Variants in PTPRT observed in about 807,000 individuals in gnomAD.
PTPRT encodes protein tyrosine phosphatase receptor type T.
A neutral mutation model predicts 176.8 loss-of-function variants in PTPRT; 56 were observed. The observed-to-expected ratio is 0.32, with a 90% CI of 0.26 to 0.40. The LOEUF (loss-of-function observed/expected upper bound fraction) is 0.40. Among genes scored for constraint, PTPRT ranks in the 10% least tolerant of loss-of-function variants. The probability of loss-of-function intolerance (pLI) is 1.00; values close to 1 mark genes in which losing one functional copy is unlikely to be tolerated. For missense variants in PTPRT, 1,540 were observed against 1,908.2 expected, an observed-to-expected ratio of 0.81 and a Z score of 3.60; for synonymous variants, 783 against 739.0, an observed-to-expected ratio of 1.06 and a Z score of -0.96.
At chr20:42,739,905 C>T (rs1380713875) in intron 6 of PTPRT, among the ~76,000 whole-genome samples, 2 of 152,148 alleles carry the variant, frequency 1.3e-5, no homozygotes, top group Non-Finnish European at 2.9e-5. Context: ...TTTTGGTATG[C>T]CCAGCATTCC....
At chr20:42,598,546 G>C (rs926579276) in intron 7 of PTPRT, among the ~76,000 whole-genome samples, 1 of 152,180 alleles carries the variant, frequency 6.6e-6, no homozygotes, top group Non-Finnish European at 1.5e-5. Flanking sequence ...ATAGAGGCTA[G>C]ATAGACGTTG....
rs574216610 is a variant in PTPRT, at chr20:42,556,026, G to A, written c.1154-83464C>T. On this transcript the variant is annotated intron_variant, in intron 7 of 30. Transcript: ENST00000373187. ...TGCCAAGACTGGAAAGAGATAAGAT[G>A]ATAAAACTGAGGCCCAGAGAAGTGA... Among the ~76,000 whole-genome samples, 10 of 152,254 alleles carry A rather than the reference G, an allele frequency of 6.6e-5. 1 individual carries two copies. Among genetic ancestry groups the A allele is most frequent in the Middle Eastern group, 6.8e-3 (2 of 294 alleles).
At chr20:42,412,220 A>G (rs531664004) in intron 9 of PTPRT, among the ~76,000 whole-genome samples, 1 of 152,366 alleles carries the variant, frequency 6.6e-6, no homozygotes, top group East Asian at 1.9e-4. Flanking sequence ...AGTGGTACAA[A>G]GACAGTTCAA....
At chr20:42,601,842 T>C (rs1022925783) in intron 7 of PTPRT, among the ~76,000 whole-genome samples, 1 of 152,156 alleles carries the variant, frequency 6.6e-6, no homozygotes, top group African/African-American at 2.4e-5. Context: ...CCCAAGAACA[T>C]CTCTGGCACT....
At chr20:42,588,680 T>A (rs958689807) in intron 7 of PTPRT, among the ~76,000 whole-genome samples, 4 of 152,330 alleles carry the variant, frequency 2.6e-5, no homozygotes, top group Admixed American at 1.3e-4. Flanking sequence ...TTCCTATTTT[T>A]AAAAATATAG....
chr20:43,028,198 A>T (rs1985992871), intron 1 of PTPRT, among the ~76,000 whole-genome samples: 1 of 152,060 alleles, frequency 6.6e-6, no homozygotes, highest in African/African-American at 2.4e-5. Flanking sequence ...TCCTGCATGG[A>T]CTCAGTTACG....
At chr20:42,797,608 A>C (rs1600753665) in intron 2 of PTPRT, among the ~76,000 whole-genome samples, 1 of 145,712 alleles carries the variant, frequency 6.9e-6, no homozygotes. Context: ...AAAGATGTCC[A>C]TATCCTAATA....
At chr20:42,146,821 C>G (rs1988889647) in intron 17 of PTPRT, among the ~76,000 whole-genome samples, 1 of 152,162 alleles carries the variant, frequency 6.6e-6, no homozygotes, top group Non-Finnish European at 1.5e-5. Flanking sequence ...CCCAAATGCC[C>G]CTGCAGCATC....
intron 7 of PTPRT, among the ~76,000 whole-genome samples, chr20:42,582,777 T>G (rs943554919): frequency 2.6e-5 from 4 of 152,168 alleles, no homozygotes; most frequent in Non-Finnish European, 2.9e-5. Context: ...AAACTGGACC[T>G]ATAGAGAAAC....
At chr20:42,656,056 A>C (rs572491236) in intron 7 of PTPRT, among the ~76,000 whole-genome samples, 45 of 152,288 alleles carry the variant, frequency 3.0e-4, no homozygotes, top group African/African-American at 1.0e-3. Context: ...GCAAGTTCTC[A>C]ATGCACATGA....
chr20:43,100,378 T>C (rs757348943), intron 1 of PTPRT, among the ~76,000 whole-genome samples: 6 of 151,634 alleles, frequency 4.0e-5, no homozygotes, highest in Non-Finnish European at 4.4e-5. Context: ...CTGTCTCAAT[T>C]TAAAAAAAAG....
At chr20:42,453,424 G>A (rs1311049079) in intron 8 of PTPRT, among the ~76,000 whole-genome samples, 1 of 151,652 alleles carries the variant, frequency 6.6e-6, no homozygotes, top group Non-Finnish European at 1.5e-5. Flanking sequence ...GTATTAAAAA[G>A]TTTCTTTTAT....
At chr20:42,924,041 G>A (rs1979331037) in intron 1 of PTPRT, among the ~76,000 whole-genome samples, 1 of 152,086 alleles carries the variant, frequency 6.6e-6, no homozygotes, top group Admixed American at 6.5e-5. Flanking sequence ...TTTTAGTAGA[G>A]ATGGGGTTTT....
intron 7 of PTPRT, among the ~76,000 whole-genome samples, chr20:42,543,723 G>C (rs911683500): frequency 5.9e-5 from 9 of 151,938 alleles, no homozygotes; most frequent in South Asian, 2.1e-4. Context: ...CTTACAAAAT[G>C]TATTTCTTAA....
chr20:42,033,265 T>A, the PTPRT span, among the ~76,000 whole-genome samples: 1 of 152,184 alleles, frequency 6.6e-6, no homozygotes, highest in South Asian at 2.1e-4. Flanking sequence ...GTCTATAAAT[T>A]CGGCAACATT....
At chr20:42,761,444 A>C (rs920725973) in intron 5 of PTPRT, among the ~76,000 whole-genome samples, 1 of 152,168 alleles carries the variant, frequency 6.6e-6, no homozygotes, top group Admixed American at 6.5e-5. Flanking sequence ...CAAAAAAAAA[A>C]AAATAAAACA....
At chr20:42,437,737 G>A (rs541789016) in intron 9 of PTPRT, among the ~76,000 whole-genome samples, 5 of 152,250 alleles carry the variant, frequency 3.3e-5, no homozygotes, top group South Asian at 2.1e-4. Context: ...GCTAGCTCCC[G>A]AGCTAATGAA....
At chr20:42,267,091 G>A (rs763876586) in intron 13 of PTPRT, among the ~76,000 whole-genome samples, 9 of 152,194 alleles carry the variant, frequency 5.9e-5, no homozygotes, top group Non-Finnish European at 1.2e-4. Context: ...ACTTTACAAT[G>A]CTGCTGAGAA....
intron 7 of PTPRT, among the ~76,000 whole-genome samples, chr20:42,539,623 G>T (rs574850333): frequency 2.0e-5 from 3 of 150,432 alleles, no homozygotes; most frequent in African/African-American, 7.3e-5. Flanking sequence ...CAATTTGGAG[G>T]GACTTGTTGA....
Sources: gnomAD v4.1 joint callset for allele counts (sites outside exome capture counted in the v4.1 genomes callset) on GRCh38, gnomAD v4.1.1 for gene constraint, MANE v1.5 for transcripts, NCBI Gene and HGNC (gene_info 2026-07-23, HGNC 2026-07-21) for gene names.